Variants in FBXL7 observed in about 807,000 individuals in gnomAD.
The protein encoded by FBXL7 is F-box/LRR-repeat protein 7.
Under a neutral mutation model 38.3 loss-of-function variants are expected in FBXL7, and 12 were observed. The ratio of observed to expected loss-of-function variants is 0.31; its 90% CI spans 0.20 to 0.51. The LOEUF (loss-of-function observed/expected upper bound fraction) is 0.51, where lower values mean the gene tolerates loss of function less well. FBXL7 is among the 20% of genes least tolerant of loss of function. The pLI, the probability that FBXL7 is intolerant of heterozygous loss-of-function variation, is 0.98. For synonymous variants in FBXL7, 297 were observed against 300.9 expected (o/e 0.99, Z 0.13); for missense variants, 567 against 676.4 (o/e 0.84, Z 1.79).
At chr5:15,799,498 G>T (rs1349054873) in intron 2 of FBXL7, among the ~76,000 whole-genome samples, 1 of 151,844 alleles carries the variant, frequency 6.6e-6, no homozygotes, top group East Asian at 1.9e-4. Flanking sequence ...GAGTAGCTGG[G>T]ATTACAGGCA....
intron 2 of FBXL7, among the ~76,000 whole-genome samples, chr5:15,762,187 GTTC>G (rs1736465145): frequency 1.3e-5 from 2 of 152,210 alleles, no homozygotes; most frequent in African/African-American, 2.4e-5. Flanking sequence ...GAAAGCTGAA[GTTC>G]TTCTCTGTTG....
At chr5:15,672,514 A>T (rs918459610) in intron 2 of FBXL7, among the ~76,000 whole-genome samples, 1 of 151,890 alleles carries the variant, frequency 6.6e-6, no homozygotes, top group Non-Finnish European at 1.5e-5. Flanking sequence ...AAGTCTTTTG[A>T]AATCTGAAGT....
intron 2 of FBXL7, among the ~76,000 whole-genome samples, chr5:15,711,259 A>C (rs896551249): frequency 2.6e-5 from 4 of 152,308 alleles, no homozygotes; most frequent in African/African-American, 9.6e-5. Flanking sequence ...TCCAGCTTCT[A>C]GTAGCTCTGG....
At chr5:15,702,826 G>A (rs929128244) in intron 2 of FBXL7, among the ~76,000 whole-genome samples, 4 of 151,916 alleles carry the variant, frequency 2.6e-5, no homozygotes, top group Non-Finnish European at 1.5e-5. Context: ...AGCTGAGTCC[G>A]AAAAGAGAGT....
At chr5:15,798,762 C>T (rs1737480956) in intron 2 of FBXL7, among the ~76,000 whole-genome samples, 1 of 152,208 alleles carries the variant, frequency 6.6e-6, no homozygotes, top group African/African-American at 2.4e-5. Flanking sequence ...TCAGCCTTCT[C>T]TCCCATAGTA....
chr5:15,583,218 A>C (rs956314652), intron 1 of FBXL7, among the ~76,000 whole-genome samples: 4 of 152,142 alleles, frequency 2.6e-5, no homozygotes, highest in Admixed American at 2.6e-4. Context: ...GAAACTGCCC[A>C]CATGATCCAG....
intron 2 of FBXL7, among the ~76,000 whole-genome samples, chr5:15,867,828 G>A (rs1579541965): frequency 6.6e-6 from 1 of 152,118 alleles, no homozygotes; most frequent in Admixed American, 6.5e-5. Flanking sequence ...GAAAAGGGCT[G>A]GGTGCAGTGG....
intron 2 of FBXL7, among the ~76,000 whole-genome samples, chr5:15,885,831 C>T (rs571087151): frequency 6.6e-6 from 1 of 152,254 alleles, no homozygotes; most frequent in African/African-American, 2.4e-5. Flanking sequence ...ACCTCAGCCT[C>T]CTGAGTAGCT....
At chr5:15,859,926 A>C (rs1420608416) in intron 2 of FBXL7, among the ~76,000 whole-genome samples, 1 of 152,210 alleles carries the variant, frequency 6.6e-6, no homozygotes, top group East Asian at 1.9e-4. Context: ...GTTAACATCA[A>C]ACTCAGGCTT....
At chr5:15,516,855 C>T (rs1158540247) in intron 1 of FBXL7, among the ~76,000 whole-genome samples, 1 of 152,126 alleles carries the variant, frequency 6.6e-6, no homozygotes, top group African/African-American at 2.4e-5. Flanking sequence ...TTTGCTTCCC[C>T]TTCTGCCGTG....
chr5:15,535,972 G>T (rs903116969), intron 1 of FBXL7, among the ~76,000 whole-genome samples: 3 of 152,232 alleles, frequency 2.0e-5, no homozygotes, highest in Non-Finnish European at 4.4e-5. Flanking sequence ...TGTGGGCTGC[G>T]CCCAGGGCCT....
At chr5:15,603,978 A>C (rs1198067149) in intron 1 of FBXL7, among the ~76,000 whole-genome samples, 1 of 152,160 alleles carries the variant, frequency 6.6e-6, no homozygotes, top group African/African-American at 2.4e-5. Context: ...CTCTACTAAA[A>C]ATTCAAAAGT....
intron 1 of FBXL7, among the ~76,000 whole-genome samples, chr5:15,593,640 AAG>A (rs1739541693): frequency 6.6e-6 from 1 of 152,184 alleles, no homozygotes; most frequent in African/African-American, 2.4e-5. Flanking sequence ...CTTTTATAAA[AAG>A]CTAAATAGTT....
At chr5:15,923,890 C>T (rs971944738) in intron 2 of FBXL7, among the ~76,000 whole-genome samples, 1 of 152,036 alleles carries the variant, frequency 6.6e-6, no homozygotes, top group African/African-American at 2.4e-5. Context: ...TTTCATTCCT[C>T]AGTGGCCACC....
intron 2 of FBXL7, among the ~76,000 whole-genome samples, chr5:15,828,018 C>T (rs1000796313): frequency 6.6e-6 from 1 of 152,182 alleles, no homozygotes; most frequent in Non-Finnish European, 1.5e-5. Context: ...TGGCCCTGCC[C>T]ATCTCTGCAA....
At chr5:15,524,415 A>G (rs59187313) in intron 1 of FBXL7, among the ~76,000 whole-genome samples, 2 of 151,960 alleles carry the variant, frequency 1.3e-5, no homozygotes, top group African/African-American at 4.8e-5. Context: ...AGGAAACCTA[A>G]GACATTCATT....
chr5:15,729,278 T>G (rs1464156828), intron 2 of FBXL7, among the ~76,000 whole-genome samples: 1 of 152,204 alleles, frequency 6.6e-6, no homozygotes, highest in East Asian at 1.9e-4. Context: ...TTGCAGTTTC[T>G]GAATTGATTG....
At chr5:15,770,985 A>G (rs1192444894) in intron 2 of FBXL7, among the ~76,000 whole-genome samples, 1 of 152,234 alleles carries the variant, frequency 6.6e-6, no homozygotes. Flanking sequence ...ATAGCTCAGC[A>G]AGTTAAACCT....
chr5:15,668,935 A>G (rs1742370761), intron 2 of FBXL7, among the ~76,000 whole-genome samples: 1 of 152,198 alleles, frequency 6.6e-6, no homozygotes, highest in Non-Finnish European at 1.5e-5. Context: ...GAAAGCCTCT[A>G]TCTGAGGACT....
Sources: gnomAD v4.1 joint callset for allele counts (sites outside exome capture counted in the v4.1 genomes callset) on GRCh38, gnomAD v4.1.1 for gene constraint, MANE v1.5 for transcripts, NCBI Gene and HGNC (gene_info 2026-07-23, HGNC 2026-07-21) for gene names.